PELI2: variants seen among roughly 807,000 people sequenced by gnomAD.
PELI2 encodes E3 ubiquitin-protein ligase pellino homolog 2.
PELI2 carries 23 observed loss-of-function variants against 42.3 expected under a neutral mutation model. The ratio of observed to expected loss-of-function variants is 0.54; its 90% CI spans 0.39 to 0.77. PELI2 has a LOEUF of 0.77. PELI2 is among the 30% of genes least tolerant of loss of function. PELI2 has a pLI of 0.00. For synonymous variants in PELI2, 245 were observed against 212.2 expected (o/e 1.15, Z -1.34); for missense variants, 463 against 553.2 (o/e 0.84, Z 1.64).
chr14:56,283,026 G>T (rs552103531), intron 3 of PELI2, among the ~76,000 whole-genome samples: 2 of 152,274 alleles, frequency 1.3e-5, no homozygotes, highest in African/African-American at 4.8e-5. Context: ...CCTGTTATAG[G>T]TAAGTCAGGT....
chr14:56,138,311 C>T (rs897128627), intron 1 of PELI2, among the ~76,000 whole-genome samples: 3 of 152,198 alleles, frequency 2.0e-5, no homozygotes, highest in African/African-American at 7.2e-5. Context: ...ACAGATAGTG[C>T]ATTTCTACAT....
intron 1 of PELI2, among the ~76,000 whole-genome samples, chr14:56,119,524 C>T (rs1016247239): frequency 1.3e-5 from 2 of 152,224 alleles, no homozygotes; most frequent in African/African-American, 4.8e-5. Flanking sequence ...TCGGCTCCCT[C>T]TCTGCTGGTG....
At chr14:56,163,752 A>G (rs1884850953) in intron 1 of PELI2, among the ~76,000 whole-genome samples, 2 of 151,976 alleles carry the variant, frequency 1.3e-5, no homozygotes, top group African/African-American at 4.8e-5. Context: ...AGTGTTATGC[A>G]GTTTTCATTA....
At chr14:56,264,330 C>T (rs1486511802) in intron 2 of PELI2, among the ~76,000 whole-genome samples, 2 of 152,078 alleles carry the variant, frequency 1.3e-5, no homozygotes, top group East Asian at 1.9e-4. Context: ...ACTGATGTAC[C>T]GTACAGAGAA....
chr14:56,235,281 A>C (rs534558375), intron 2 of PELI2, among the ~76,000 whole-genome samples: 1 of 152,214 alleles, frequency 6.6e-6, no homozygotes. Context: ...AAATAATACA[A>C]AGGCCTAAAG....
At chr14:56,141,148 G>A (rs917568411) in intron 1 of PELI2, among the ~76,000 whole-genome samples, 3 of 152,164 alleles carry the variant, frequency 2.0e-5, no homozygotes, top group Non-Finnish European at 4.4e-5. Flanking sequence ...CTGGGATTCC[G>A]TTGCATAGAT....
At chr14:56,283,640 A>T (rs1480138034) in intron 3 of PELI2, among the ~76,000 whole-genome samples, 1 of 152,224 alleles carries the variant, frequency 6.6e-6, no homozygotes, top group East Asian at 1.9e-4. Context: ...GGTGTTTGAA[A>T]GGAAAAGTAA....
At chr14:56,252,980 C>G (rs1888398165) in intron 2 of PELI2, among the ~76,000 whole-genome samples, 1 of 152,172 alleles carries the variant, frequency 6.6e-6, no homozygotes. Context: ...CAAACAGAAT[C>G]CAGCAGCACA....
chr14:56,174,895 C>T (rs77906894), intron 1 of PELI2, among the ~76,000 whole-genome samples: 3,275 of 152,320 alleles, frequency 0.022, 105 homozygotes, highest in African/African-American at 0.074. Flanking sequence ...ACTCTCTCCA[C>T]TTGAACTTCA....
rs563536772 is a variant in PELI2, at chr14:56,219,757, G to C, written c.207+41293G>C. 6.6e-6 allele frequency among the ~76,000 whole-genome samples: 1 copy of C among 152,144 alleles called. No individual in the cohort carries two copies. Among genetic ancestry groups the C allele is most frequent in the Non-Finnish European group, 1.5e-5 (1 of 68,014 alleles). On this transcript the variant is annotated intron_variant, in intron 2 of 5. Coordinates refer to ENST00000267460, the MANE Select transcript of PELI2 (RefSeq NM_021255.3). This position sits in a 1 kb window ranked among gnomAD's most constrained non-coding sequence, Gnocchi z 4.1. ...AGGTTGGTAAACTGAAAAATGACAC[G>C]ACATGCCTTGACTCTATTCAGTTAG... is the stretch of plus-strand genomic sequence containing the variant.
chr14:56,173,221 T>C (rs1458357714), intron 1 of PELI2, among the ~76,000 whole-genome samples: 1 of 152,156 alleles, frequency 6.6e-6, no homozygotes, highest in Non-Finnish European at 1.5e-5. Flanking sequence ...CCTTTATCCC[T>C]CACCCTGTGC....
intron 2 of PELI2, among the ~76,000 whole-genome samples, chr14:56,220,560 G>A (rs1412698091): frequency 6.6e-6 from 1 of 152,114 alleles, no homozygotes; most frequent in African/African-American, 2.4e-5. Context: ...ACGTGTGATT[G>A]TGCCAAAAAA....
At chr14:56,177,177 T>TG (rs903497862) in intron 1 of PELI2, among the ~76,000 whole-genome samples, 3 of 152,238 alleles carry the variant, frequency 2.0e-5, no homozygotes, top group African/African-American at 7.2e-5. Context: ...TTGAAACCAT[T>TG]GTCAGACTGT....
chr14:56,285,037 A>T (rs1889601921), intron 3 of PELI2, among the ~76,000 whole-genome samples: 1 of 152,164 alleles, frequency 6.6e-6, no homozygotes, highest in Admixed American at 6.5e-5. Flanking sequence ...GAATTTTGGG[A>T]AGCTGTTGGA....
intron 3 of PELI2, among the ~76,000 whole-genome samples, chr14:56,286,452 A>G (rs1219227942): frequency 6.6e-6 from 1 of 152,196 alleles, no homozygotes; most frequent in Non-Finnish European, 1.5e-5. Flanking sequence ...GGCAAACCCA[A>G]ACTTTTCTTA....
At chr14:56,131,884 G>C (rs1272103224) in intron 1 of PELI2, among the ~76,000 whole-genome samples, 1 of 152,120 alleles carries the variant, frequency 6.6e-6, no homozygotes, top group Non-Finnish European at 1.5e-5. Context: ...GTGAAACCCT[G>C]TCTCAAAAAA....
intron 2 of PELI2, among the ~76,000 whole-genome samples, chr14:56,267,016 C>T (rs920940242): frequency 2.6e-5 from 4 of 151,904 alleles, no homozygotes; most frequent in African/African-American, 9.7e-5. Flanking sequence ...CTGGTATAGG[C>T]ATAGACTTTT....
chr14:56,280,731 G>A (rs1408189347), intron 3 of PELI2, among the ~76,000 whole-genome samples: 2 of 152,082 alleles, frequency 1.3e-5, no homozygotes, highest in African/African-American at 2.4e-5. Context: ...AGGATCAATA[G>A]TAAATGAAGA....
In PELI2 at chr14:56,118,617, AGGCGGCGGC is replaced by A. The variant is rs758943002; in HGVS notation, c.-42_-34del. ...GCGGACTCGGCGGGGATCGCGGCGG[AGGCGGCGGC>A]GTCGGCGGCGGCGTCGGCGGCCGAG... On this transcript the variant is annotated 5_prime_UTR_variant, in exon 1 of 6. Transcript: ENST00000267460. The A allele has an allele frequency of 1.6e-6, 2 of 1,234,078 alleles. No homozygotes were observed. The highest frequency in any genetic ancestry group is 2.1e-6 in the Non-Finnish European group (2 of 945,402). The allele number at this position is 1,234,078 out of a possible 1,614,324, so 76.4% of individuals were successfully genotyped here. A position where few individuals can be genotyped will look rare whatever the true frequency, so the allele number is the denominator to read the frequency against.
Sources: gnomAD v4.1 joint callset for allele counts (sites outside exome capture counted in the v4.1 genomes callset) on GRCh38, gnomAD v4.1.1 for gene constraint, Gnocchi (gnomAD v3.1) non-coding constraint, MANE v1.5 for transcripts, NCBI Gene and HGNC (gene_info 2026-07-23, HGNC 2026-07-21) for gene names.